Variants in MTUS2 observed in about 807,000 individuals in gnomAD.
The protein encoded by MTUS2 is microtubule-associated tumor suppressor candidate 2.
A neutral mutation model predicts 114.1 loss-of-function variants in MTUS2; 40 were observed. The observed-to-expected ratio is 0.35, with a 90% CI of 0.27 to 0.46. The LOEUF is 0.46. Among genes scored for constraint, MTUS2 ranks in the 20% least tolerant of loss-of-function variants. The pLI, the probability that MTUS2 is intolerant of heterozygous loss-of-function variation, is 1.00. For missense variants in MTUS2, 1,679 were observed against 1,705.4 expected, an observed-to-expected ratio of 0.98 and a Z score of 0.27; for synonymous variants, 688 against 672.0, an observed-to-expected ratio of 1.02 and a Z score of -0.37.
At chr13:28,841,932 G>A (rs1875528753) in intron 2 of MTUS2, among the ~76,000 whole-genome samples, 1 of 152,154 alleles carries the variant, frequency 6.6e-6, no homozygotes, top group South Asian at 2.1e-4. Context: ...TGATCTGCCC[G>A]CCTTGGCCTC....
Position 29,351,791 on chromosome 13 carries a change from T to TA in MTUS2, c.2906-7471_2906-7470insA, listed in dbSNP as rs1165246669. On this transcript the variant is annotated intron_variant, in intron 7 of 15. Coordinates refer to ENST00000612955, the MANE Select transcript of MTUS2 (RefSeq NM_001033602.4). ...CTAATTTTGTTTATTTTTTTTTTTT[T>TA]TTTTGTAGAGATGATGTCTCTCCGT... is the stretch of plus-strand genomic sequence containing the variant. 1.0e-3 allele frequency among the ~76,000 whole-genome samples: 153 copies of TA among 151,310 alleles called. 1 individual carries two copies. Among genetic ancestry groups the TA allele is most frequent in the South Asian group, 2.3e-3 (11 of 4,784 alleles).
chr13:29,000,585 C>CA (rs1240354877), intron 2 of MTUS2, among the ~76,000 whole-genome samples: 1 of 152,130 alleles, frequency 6.6e-6, no homozygotes, highest in Non-Finnish European at 1.5e-5. Flanking sequence ...AGGCTGGTCT[C>CA]AAACTCCTGA....
rs537183019 is a variant in MTUS2 at position 29,418,572 on chromosome 13, G to T, written c.3118-21411G>T. Among the ~76,000 whole-genome samples, 217 of 152,238 alleles carry T rather than the reference G, an allele frequency of 1.4e-3. 1 individual carries two copies. Among genetic ancestry groups the T allele is most frequent in the Admixed American group, 2.4e-3 (37 of 15,302 alleles). On this transcript the variant is annotated intron_variant, in intron 8 of 15. Transcript: ENST00000612955. ...GTTAGATTATTCAGATTGCTGTTTG[G>T]ACTCTGCTGTCTATGACAGTAACCA... is the stretch of plus-strand genomic sequence containing the variant.
chr13:29,356,245 G>A (rs748185877), intron 7 of MTUS2, among the ~76,000 whole-genome samples: 1 of 152,156 alleles, frequency 6.6e-6, no homozygotes, highest in Non-Finnish European at 1.5e-5. Flanking sequence ...GAGGTCAGGA[G>A]TGGGTCACCA....
At chr13:29,050,001 C>T (rs138767331) in intron 4 of MTUS2, among the ~76,000 whole-genome samples, 2 of 152,234 alleles carry the variant, frequency 1.3e-5, no homozygotes, top group African/African-American at 4.8e-5. Context: ...AACATGGAAC[C>T]CGGCTCTAGC....
At chr13:28,927,926 C>T (rs1881409593) in intron 2 of MTUS2, among the ~76,000 whole-genome samples, 1 of 152,006 alleles carries the variant, frequency 6.6e-6, no homozygotes, top group Non-Finnish European at 1.5e-5. Context: ...ACACATAGAC[C>T]AATGGAACAG....
chr13:28,978,192 G>A (rs1884202758), intron 2 of MTUS2, among the ~76,000 whole-genome samples: 1 of 152,178 alleles, frequency 6.6e-6, no homozygotes, highest in Non-Finnish European at 1.5e-5. Context: ...AATATAGAAA[G>A]TTAAGTGAAA....
intron 5 of MTUS2, among the ~76,000 whole-genome samples, chr13:29,207,048 G>A (rs1593603261): frequency 6.6e-6 from 1 of 152,240 alleles, no homozygotes; most frequent in Middle Eastern, 3.4e-3. Flanking sequence ...AGCATGGCAT[G>A]TATTTCCATT....
chr13:28,832,165 G>A (rs2137954129), intron 1 of MTUS2, among the ~76,000 whole-genome samples: 1 of 152,166 alleles, frequency 6.6e-6, no homozygotes, highest in Non-Finnish European at 1.5e-5. Flanking sequence ...TAAGCCAACT[G>A]GAATTAACAG....
chr13:29,091,827 A>G (rs1889965611), intron 4 of MTUS2, among the ~76,000 whole-genome samples: 1 of 152,228 alleles, frequency 6.6e-6, no homozygotes, highest in Non-Finnish European at 1.5e-5. Context: ...GAAGCTCTGT[A>G]GGACTCAACA....
intron 5 of MTUS2, among the ~76,000 whole-genome samples, chr13:29,264,683 C>T (rs139285457): frequency 2.8e-4 from 42 of 152,352 alleles, no homozygotes; most frequent in African/African-American, 9.6e-4. Context: ...CAGCTTGCAC[C>T]CTCTGAAGCA....
At chr13:29,284,842 G>A (rs1028627823) in intron 6 of MTUS2, among the ~76,000 whole-genome samples, 4 of 152,140 alleles carry the variant, frequency 2.6e-5, no homozygotes, top group African/African-American at 9.7e-5. Context: ...TCTATCTACT[G>A]GAAAGTTGTA....
intron 9 of MTUS2, among the ~76,000 whole-genome samples, chr13:29,473,123 CTA>C (rs1880438279): frequency 6.6e-6 from 1 of 151,634 alleles, no homozygotes; most frequent in African/African-American, 2.4e-5. Context: ...ATAATATATA[CTA>C]TATGTGTGTA....
intron 5 of MTUS2, among the ~76,000 whole-genome samples, chr13:29,241,218 G>A (rs1896719173): frequency 6.6e-6 from 1 of 152,108 alleles, no homozygotes. Context: ...GTACAGCCTT[G>A]AGCAAACCAC....
At chr13:29,217,786 A>G (rs1282587581) in intron 5 of MTUS2, among the ~76,000 whole-genome samples, 1 of 152,184 alleles carries the variant, frequency 6.6e-6, no homozygotes, top group Admixed American at 6.5e-5. Flanking sequence ...ATATCAACCA[A>G]GTTTATCTAA....
At chr13:29,384,169 G>A (rs7318018) in intron 8 of MTUS2, among the ~76,000 whole-genome samples, 74,522 of 152,062 alleles carry the variant, frequency 0.49, 20,039 homozygotes, top group East Asian at 0.66. Context: ...GACAATAAGG[G>A]GAAATATTAC....
intron 9 of MTUS2, among the ~76,000 whole-genome samples, chr13:29,448,411 C>T (rs1484306374): frequency 1.3e-5 from 2 of 152,180 alleles, no homozygotes; most frequent in Non-Finnish European, 2.9e-5. Flanking sequence ...TCTCAATCAC[C>T]CCAGCTGCTG....
At chr13:29,059,822 C>T (rs1035830128) in intron 4 of MTUS2, among the ~76,000 whole-genome samples, 1 of 152,342 alleles carries the variant, frequency 6.6e-6, no homozygotes, top group African/African-American at 2.4e-5. Context: ...TGTCTGTAAG[C>T]TCTAGCATAT....
At chr13:28,886,089 T>A (rs1335968744) in intron 2 of MTUS2, among the ~76,000 whole-genome samples, 1 of 152,058 alleles carries the variant, frequency 6.6e-6, no homozygotes, top group African/African-American at 2.4e-5. Flanking sequence ...CAGAGGCCAA[T>A]GAGTCTGGGC....
Sources: allele counts gnomAD v4.1 joint callset (sites outside exome capture counted in the v4.1 genomes callset), GRCh38; gene constraint gnomAD v4.1.1; transcripts MANE v1.5; gene names NCBI Gene and HGNC (gene_info 2026-07-23, HGNC 2026-07-21).